Variants in ZNF654 observed in about 807,000 individuals in gnomAD.
ZNF654 encodes melanoma-associated antigen.
Under a neutral mutation model 95.3 loss-of-function variants are expected in ZNF654, and 19 were observed. The ratio of observed to expected loss-of-function variants is 0.20; its 90% CI spans 0.14 to 0.29. The LOEUF is 0.29. Among genes scored for constraint, ZNF654 ranks in the 10% least tolerant of loss-of-function variants. The probability of loss-of-function intolerance (pLI) is 1.00; values close to 1 mark genes in which losing one functional copy is unlikely to be tolerated. For missense variants in ZNF654, 1,046 were observed against 1,341.0 expected (o/e 0.78, Z 3.44); for synonymous variants, 413 against 457.9 (o/e 0.90, Z 1.25).
rs1319973051 is a variant in ZNF654 at position 88,144,175 on chromosome 3, AAG to A, written c.*2524_*2525del. 2.6e-5 allele frequency: 4 copies of A among 152,364 alleles called. No individual in the cohort carries two copies. Among genetic ancestry groups the A allele is most frequent in the African/African-American group, 9.7e-5 (4 of 41,438 alleles). 9.4% of individuals were successfully genotyped at this position (152,364 alleles called of 1,614,324 possible). The stretch of plus-strand genomic sequence containing the variant: ...GCTCAGATATTATGGAGGAGGTAAA[AAG>A]GGGAATCTCCGTGGACAAGGACACT... On this transcript the variant is annotated 3_prime_UTR_variant, in exon 9 of 9. Coordinates refer to ENST00000636215, the MANE Select transcript of ZNF654 (RefSeq NM_001350134.2).
At chr3:88,071,019 A>G (rs1330013010) in intron 1 of ZNF654, among the ~76,000 whole-genome samples, 1 of 152,206 alleles carries the variant, frequency 6.6e-6, no homozygotes, top group African/African-American at 2.4e-5. Flanking sequence ...GAGAGTTGTG[A>G]GAATGTTAAA....
intron 2 of ZNF654, among the ~76,000 whole-genome samples, chr3:88,105,066 G>C (rs1262990613): frequency 6.6e-6 from 1 of 152,204 alleles, no homozygotes; most frequent in African/African-American, 2.4e-5. Flanking sequence ...CTTGAACCCA[G>C]GAGGTGGAGG....
chr3:88,070,532 A>G lies in ZNF654; in HGVS notation c.186+11027A>G, dbSNP rs1347069497. On this transcript the variant is annotated intron_variant, in intron 1 of 8. Transcript: ENST00000636215. ...CCAAAAAAAGTTATGAACCTTTGCT[A>G]TACGCCACTGTGGCAAAGGCAACAC... 7.5e-4 allele frequency among the ~76,000 whole-genome samples: 110 copies of G among 147,054 alleles called. 1 individual carries two copies. The highest frequency in any genetic ancestry group is 2.1e-4 in the South Asian group (1 of 4,754).
chr3:88,069,578 C>A (rs1234298220), intron 1 of ZNF654, among the ~76,000 whole-genome samples: 1 of 152,164 alleles, frequency 6.6e-6, no homozygotes, highest in Non-Finnish European at 1.5e-5. Flanking sequence ...GTTTGCTTAC[C>A]ACACTATATC....
intron 3 of ZNF654, among the ~76,000 whole-genome samples, chr3:88,124,465 TCTC>T (rs1363922569): frequency 9.8e-5 from 15 of 152,312 alleles, no homozygotes; most frequent in African/African-American, 3.4e-4. Flanking sequence ...ACTACTTTCT[TCTC>T]TCATAAAACA....
chr3:88,084,173 A>G (rs4416403), intron 1 of ZNF654, among the ~76,000 whole-genome samples: 119,195 of 152,124 alleles, frequency 0.78, 47,614 homozygotes, highest in South Asian at 0.91. Flanking sequence ...CTAGGCAAAT[A>G]CATTGGTAGC....
chr3:88,135,735 GTACAATCC>G (rs1706739361), intron 7 of ZNF654, among the ~76,000 whole-genome samples: 1 of 152,056 alleles, frequency 6.6e-6, no homozygotes, highest in Non-Finnish European at 1.5e-5. Flanking sequence ...TTGCAAGTGA[GTACAATCC>G]TACATGAGTC....
chr3:88,089,189 A>AT (rs1189404289), intron 2 of ZNF654, among the ~76,000 whole-genome samples: 2 of 78,264 alleles, frequency 2.6e-5, no homozygotes, highest in Non-Finnish European at 5.5e-5. Context: ...AAGCTTACGT[A>AT]TTAAAAAAAA....
At chr3:88,134,193 G>A (rs1398146284) in intron 6 of ZNF654, among the ~76,000 whole-genome samples, 1 of 151,862 alleles carries the variant, frequency 6.6e-6, no homozygotes, top group African/African-American at 2.4e-5. Context: ...CTACTCATAT[G>A]TTGCTTGCTG....
At chr3:88,110,362 A>T (rs1705014145) in intron 2 of ZNF654, among the ~76,000 whole-genome samples, 1 of 152,112 alleles carries the variant, frequency 6.6e-6, no homozygotes, top group Admixed American at 6.6e-5. Context: ...CAACTCTACC[A>T]CTGTGGTATG....
chr3:88,126,402 GAA>G (rs1403352338), intron 4 of ZNF654, 133 bp downstream of exon 4: 1 of 1,042,866 alleles, frequency 9.6e-7, no homozygotes, highest in Non-Finnish European at 1.2e-6. Context: ...ATTTTCACAT[GAA>G]AAGTGTTTGT....
At chr3:88,073,207 G>C (rs1188983657) in intron 1 of ZNF654, among the ~76,000 whole-genome samples, 2 of 152,056 alleles carry the variant, frequency 1.3e-5, no homozygotes, top group Non-Finnish European at 2.9e-5. Context: ...ACAGAATCCG[G>C]AACTGTGGGA....
intron 2 of ZNF654, among the ~76,000 whole-genome samples, chr3:88,099,563 T>TA (rs1553695786): frequency 6.6e-6 from 1 of 152,034 alleles, no homozygotes; most frequent in East Asian, 1.9e-4. Context: ...TCACACTACC[T>TA]ACTTCAAACT....
At chr3:88,137,385 T>C (rs896676573) in intron 7 of ZNF654, among the ~76,000 whole-genome samples, 1 of 152,104 alleles carries the variant, frequency 6.6e-6, no homozygotes, top group African/African-American at 2.4e-5. Flanking sequence ...GATGGATTTA[T>C]AGGAGCAAAC....
chr3:88,095,506 A>C (rs1160466785), intron 2 of ZNF654: 1 of 470,504 alleles, frequency 2.1e-6, no homozygotes, highest in Admixed American at 2.5e-5. Context: ...ATTTGTAGAC[A>C]GTTCACATTA....
At chr3:88,128,751 C>T in intron 4 of ZNF654, 58 bp from the exon 5 acceptor site, 2 of 1,260,762 alleles carry the variant, frequency 1.6e-6, no homozygotes, top group Non-Finnish European at 2.2e-6. Context: ...TTTCAAAGAA[C>T]AAAGTTTGAG....
intron 2 of ZNF654, among the ~76,000 whole-genome samples, chr3:88,099,754 G>A (rs1404092436): frequency 2.0e-5 from 3 of 152,150 alleles, no homozygotes; most frequent in African/African-American, 4.8e-5. Context: ...ATGGTGCCAG[G>A]AAAACTGGCT....
At chr3:88,100,155 G>A (rs1347999817) in intron 2 of ZNF654, among the ~76,000 whole-genome samples, 1 of 152,178 alleles carries the variant, frequency 6.6e-6, no homozygotes, top group Non-Finnish European at 1.5e-5. Context: ...CCATCAGAAA[G>A]TGGGTGCCGG....
chr3:88,120,933 C>T (rs1705732112), intron 3 of ZNF654, among the ~76,000 whole-genome samples: 1 of 151,992 alleles, frequency 6.6e-6, no homozygotes, highest in South Asian at 2.1e-4. Flanking sequence ...TGAAAGGATA[C>T]TTTTGATAGA....
Sources: allele counts gnomAD v4.1 joint callset (sites outside exome capture counted in the v4.1 genomes callset), GRCh38; gene constraint gnomAD v4.1.1; transcripts MANE v1.5; gene names NCBI Gene and HGNC (gene_info 2026-07-23, HGNC 2026-07-21).